The following SLC36A1 variants were observed in gnomAD, a reference collection of about 807,000 sequenced individuals.
SLC36A1 encodes the protein solute carrier family 36 member 1.
A neutral mutation model predicts 47.5 loss-of-function variants in SLC36A1; 30 were observed. The ratio of observed to expected loss-of-function variants is 0.63; its 90% confidence interval spans 0.47 to 0.86. The LOEUF (loss-of-function observed/expected upper bound fraction) is 0.86. Among genes scored for constraint, SLC36A1 ranks in the 40% least tolerant of loss-of-function variants. SLC36A1 has a pLI of 0.00. For missense variants in SLC36A1, 517 were observed against 606.0 expected, an observed-to-expected ratio of 0.85 and a Z score of 1.54; for synonymous variants, 255 against 249.7, an observed-to-expected ratio of 1.02 and a Z score of -0.20.
the SLC36A1 span, among the ~76,000 whole-genome samples, chr5:151,359,287 C>T: frequency 2.6e-5 from 4 of 152,164 alleles, no homozygotes; most frequent in Non-Finnish European, 4.4e-5. Context: ...CCTGGCTACC[C>T]CCACTCAACC....
At chr5:151,543,761 C>T in the SLC36A1 span, 1 of 1,614,210 alleles carries the variant, frequency 6.2e-7, no homozygotes, top group East Asian at 2.2e-5. Flanking sequence ...CCATCAGAAG[C>T]ACCTACCCTC....
At chr5:151,352,280 C>T in the SLC36A1 span, among the ~76,000 whole-genome samples, 1 of 152,196 alleles carries the variant, frequency 6.6e-6, no homozygotes, top group East Asian at 1.9e-4. Flanking sequence ...GTGTGTGTAT[C>T]CCCATTGTTG....
chr5:151,468,301 T>TAAATAAAAA lies in SLC36A1; in HGVS notation c.723+377_723+378insAATAAAAAA, dbSNP rs1440214030. On this transcript the variant is annotated intron_variant, in intron 7 of 10. Coordinates refer to ENST00000243389, the MANE Select transcript of SLC36A1 (RefSeq NM_078483.4). ...TATATATATATATATATATTTTATA[T>TAAATAAAAA]ATATATATTTACATATATGTGTATA... Among the ~76,000 whole-genome samples, 52 of 93,382 alleles carry TAAATAAAAA rather than the reference T, an allele frequency of 5.6e-4. 1 individual carries two copies. Among genetic ancestry groups the TAAATAAAAA allele is most frequent in the African/African-American group, 2.1e-3 (51 of 24,838 alleles). 61.3% of individuals were successfully genotyped at this position (93,382 alleles called of 152,430 possible).
At chr5:151,540,985 G>A in the SLC36A1 span, among the ~76,000 whole-genome samples, 1 of 152,242 alleles carries the variant, frequency 6.6e-6, no homozygotes, top group Non-Finnish European at 1.5e-5. Flanking sequence ...GTCAATGCAA[G>A]AAGCATCACT....
chr5:151,473,809 G>A, intron 8 of SLC36A1, 38 bp downstream of exon 8: 1 of 1,435,838 alleles, frequency 7.0e-7, no homozygotes, highest in Non-Finnish European at 9.8e-7. Flanking sequence ...GTGTTCTCTG[G>A]TGCCCTTGGT....
At chr5:151,365,805 G>A in the SLC36A1 span, among the ~76,000 whole-genome samples, 1 of 152,150 alleles carries the variant, frequency 6.6e-6, no homozygotes, top group African/African-American at 2.4e-5. Context: ...TACCTTACAG[G>A]GTTCTGCAGA....
At chr5:151,542,727 A>G in the SLC36A1 span, 1 of 1,614,220 alleles carries the variant, frequency 6.2e-7, no homozygotes. Flanking sequence ...CCTTATATGG[A>G]TCAGCCTCAA....
the SLC36A1 span, among the ~76,000 whole-genome samples, chr5:151,513,710 A>G: frequency 1.3e-5 from 2 of 152,232 alleles, no homozygotes; most frequent in African/African-American, 4.8e-5. Context: ...GGTTACCCGT[A>G]TAACAAACCT....
At chr5:151,551,158 C>G in the SLC36A1 span, among the ~76,000 whole-genome samples, 9 of 152,174 alleles carry the variant, frequency 5.9e-5, no homozygotes, top group Non-Finnish European at 1.2e-4. Flanking sequence ...CTGGCTGAAG[C>G]TAGAATAGAA....
the SLC36A1 span, among the ~76,000 whole-genome samples, chr5:151,498,515 G>C: frequency 6.6e-6 from 1 of 152,284 alleles, no homozygotes; most frequent in East Asian, 1.9e-4. Flanking sequence ...TTCCAAAGCG[G>C]TGAAGCCAGG....
At chr5:151,552,242 T>C in the SLC36A1 span, among the ~76,000 whole-genome samples, 1 of 152,114 alleles carries the variant, frequency 6.6e-6, no homozygotes, top group Non-Finnish European at 1.5e-5. Flanking sequence ...TACTTCAGCC[T>C]CTCAAGCAGC....
the SLC36A1 span, among the ~76,000 whole-genome samples, chr5:151,376,742 C>T: frequency 3.3e-5 from 5 of 152,090 alleles, no homozygotes; most frequent in African/African-American, 1.2e-4. Context: ...ATGTGATTCT[C>T]CTGTCTCAGC....
At chr5:151,366,298 A>G in the SLC36A1 span, 60 of 167,810 alleles carry the variant, frequency 3.6e-4, no homozygotes, top group African/African-American at 1.3e-3. Flanking sequence ...AAATATACAC[A>G]TTAGCAATTA....
intron 1 of SLC36A1, among the ~76,000 whole-genome samples, chr5:151,455,948 T>A (rs1754431885): frequency 6.6e-6 from 1 of 152,314 alleles, no homozygotes; most frequent in Non-Finnish European, 1.5e-5. Context: ...TATGACTTAG[T>A]GGTGTCAGTT....
chr5:151,448,278 T>A (rs1426085779), intron 1 of SLC36A1, among the ~76,000 whole-genome samples: 15 of 152,238 alleles, frequency 9.9e-5, no homozygotes, highest in Admixed American at 9.8e-4. Flanking sequence ...CCCGGAGACC[T>A]GCGACTAGAA....
the SLC36A1 span, among the ~76,000 whole-genome samples, chr5:151,351,594 C>T: frequency 8.7e-4 from 133 of 152,148 alleles, 1 homozygote; most frequent in African/African-American, 3.1e-3. Flanking sequence ...CTCTTATGAC[C>T]CAACTGAGTT....
At chr5:151,353,148 A>G in the SLC36A1 span, among the ~76,000 whole-genome samples, 6 of 152,268 alleles carry the variant, frequency 3.9e-5, no homozygotes, top group African/African-American at 1.4e-4. Context: ...GTTGAAAACC[A>G]TGAATGAAAA....
chr5:151,511,642 A>G, the SLC36A1 span: 1 of 160,132 alleles, frequency 6.2e-6, no homozygotes, highest in South Asian at 1.8e-4. Flanking sequence ...GTTAGAAGCA[A>G]TTAATGAGAA....
intron 10 of SLC36A1, among the ~76,000 whole-genome samples, chr5:151,485,996 C>T (rs1422811118): frequency 3.9e-5 from 6 of 152,186 alleles, no homozygotes; most frequent in Non-Finnish European, 2.9e-5. Context: ...AGGCATGAAT[C>T]CATTCTTTCC....
Sources: gnomAD v4.1 joint callset for allele counts (sites outside exome capture counted in the v4.1 genomes callset) on GRCh38, gnomAD v4.1.1 for gene constraint, MANE v1.5 for transcripts, NCBI Gene and HGNC (gene_info 2026-07-23, HGNC 2026-07-21) for gene names.